Variants in PTPN1 observed in about 807,000 individuals in gnomAD.
PTPN1 encodes the protein protein tyrosine phosphatase non-receptor type 1.
Under a neutral mutation model 59.9 loss-of-function variants are expected in PTPN1, and 12 were observed. The observed-to-expected ratio is 0.20, with a 90% CI of 0.13 to 0.32. The LOEUF (loss-of-function observed/expected upper bound fraction) is 0.32, where lower values mean the gene tolerates loss of function less well. Ranked by LOEUF, PTPN1 falls within the 10% of genes least tolerant of loss-of-function variation. The pLI, the probability that PTPN1 is intolerant of heterozygous loss-of-function variation, is 1.00. For missense variants in PTPN1, 356 were observed against 549.2 expected (o/e 0.65, Z 3.52); for synonymous variants, 178 against 203.6 (o/e 0.87, Z 1.07).
rs149679583 is a variant in PTPN1, at chr20:50,522,579, G to A, written c.63+11989G>A. On this transcript the variant is annotated intron_variant, in intron 1 of 9. Transcript: ENST00000371621. ...TTTTAGCAACAAAAGTACATATTAT[G>A]TTGTAGAACATGCTTTTTCTTTGAT... Among the ~76,000 whole-genome samples, 1,039 of 152,304 alleles carry A rather than the reference G, an allele frequency of 6.8e-3. 9 individuals carry two copies. The highest frequency in any genetic ancestry group is 0.024 in the African/African-American group (1,000 of 41,566).
chr20:50,530,809 T>G (rs2122735997), intron 1 of PTPN1, among the ~76,000 whole-genome samples: 1 of 152,054 alleles, frequency 6.6e-6, no homozygotes. Context: ...TCCTCCTGCC[T>G]CAGCCTCCCA....
intron 2 of PTPN1, among the ~76,000 whole-genome samples, chr20:50,564,040 A>G (rs939658215): frequency 6.6e-6 from 1 of 152,092 alleles, no homozygotes; most frequent in Admixed American, 6.5e-5. Flanking sequence ...AAAATTTAGA[A>G]TCATTGAAGT....
rs1232034466 is a variant in PTPN1, at chr20:50,510,484, C to T, written c.-44C>T. 5 of 1,545,332 alleles carry T rather than the reference C, an allele frequency of 3.2e-6. No homozygotes were observed. The highest frequency in any genetic ancestry group is 4.4e-6 in the Non-Finnish European group (5 of 1,143,714). On this transcript the variant is annotated 5_prime_UTR_variant, in exon 1 of 10. Coordinates refer to ENST00000371621, the MANE Select transcript of PTPN1 (RefSeq NM_002827.4). ...CGACGCGGCCTAGAGCGGCAGACGG[C>T]GCAGTGGGCCGAGAAGGAGGCGCAG...
In PTPN1 at chr20:50,568,305, G is replaced by T; in HGVS notation, c.256-75G>T. ...GGGACTGAGGGCGCTGTCGTTAGCT[G>T]ACTGCAGAAGGTGAGCACACGCTGT... is the stretch of plus-strand genomic sequence containing the variant. On this transcript the variant is annotated intron_variant, in intron 3 of 9. Coordinates refer to ENST00000371621, the MANE Select transcript of PTPN1 (RefSeq NM_002827.4). The surrounding 1 kb of genome is among the most constrained non-coding windows in gnomAD (Gnocchi z 5.6). 7.3e-7 allele frequency: 1 copy of T among 1,363,208 alleles called. No individual in the cohort carries two copies. The highest frequency in any genetic ancestry group is 1.2e-5 in the South Asian group (1 of 85,584). The allele number at this position is 1,363,208 out of a possible 1,614,324, so 84.4% of individuals were successfully genotyped here. A position where few individuals can be genotyped will look rare whatever the true frequency, so the allele number is the denominator to read the frequency against.
At chr20:50,574,377 C>G in intron 4 of PTPN1, 140 bp from the exon 5 acceptor site, 1 of 849,410 alleles carries the variant, frequency 1.2e-6, no homozygotes, top group Non-Finnish European at 1.7e-6. Flanking sequence ...AGGCAGGCAT[C>G]TGTGCTGACC....
At chr20:50,511,884 A>C (rs1391105535) in intron 1 of PTPN1, among the ~76,000 whole-genome samples, 1 of 152,240 alleles carries the variant, frequency 6.6e-6, no homozygotes, top group Admixed American at 6.5e-5. Context: ...GAGATCCATC[A>C]GCTGTAGTAT....
intron 1 of PTPN1, among the ~76,000 whole-genome samples, chr20:50,521,363 C>T (rs2082550039): frequency 1.3e-5 from 2 of 152,272 alleles, no homozygotes; most frequent in Non-Finnish European, 2.9e-5. Context: ...GTGCCTCAGG[C>T]ACTGTGCAAA....
At chr20:50,519,450 A>G (rs6067474) in intron 1 of PTPN1, among the ~76,000 whole-genome samples, 58,023 of 152,018 alleles carry the variant, frequency 0.38, 11,058 homozygotes, top group African/African-American at 0.42. Context: ...TTCCCAATAG[A>G]TTTGGAAGAT....
At position 50,584,103 on chromosome 20, in the gene PTPN1, G is replaced by GACCT. The variant is rs1483588097; in HGVS notation, c.*1389_*1392dup. On this transcript the variant is annotated 3_prime_UTR_variant, in exon 10 of 10. Coordinates refer to ENST00000371621, the MANE Select transcript of PTPN1 (RefSeq NM_002827.4). ...GACTCTTCCTGCAAAGGGAACTGAAGACCTCCACATTAAGTGGCTTTTTAA... is the reference window on the plus strand; with the variant it reads ...GACTCTTCCTGCAAAGGGAACTGAAGACCTACCTCCACATTAAGTGGCTTTTTAA... The GACCT allele has an allele frequency of 2.6e-5, 4 of 152,668 alleles. No individual in the cohort carries two copies. The highest frequency in any genetic ancestry group is 9.6e-5 in the African/African-American group (4 of 41,454). The allele number at this position is 152,668 out of a possible 1,614,324, so 9.5% of individuals were successfully genotyped here.
At chr20:50,569,595 A>AGACT (rs2082797064) in intron 4 of PTPN1, among the ~76,000 whole-genome samples, 1 of 147,802 alleles carries the variant, frequency 6.8e-6, no homozygotes, top group South Asian at 2.1e-4. Context: ...TAGACTGTCC[A>AGACT]TGTAAACTGT....
chr20:50,539,381 A>G (rs1352665476), intron 1 of PTPN1, among the ~76,000 whole-genome samples: 6 of 152,174 alleles, frequency 3.9e-5, no homozygotes, highest in Admixed American at 2.0e-4. Flanking sequence ...TAGATTCCTC[A>G]GGAAGGGCTT....
intron 1 of PTPN1, among the ~76,000 whole-genome samples, chr20:50,544,136 G>A (rs966176570): frequency 2.6e-5 from 4 of 152,020 alleles, no homozygotes; most frequent in Non-Finnish European, 5.9e-5. Context: ...GAGCCACCGC[G>A]CCTGGACTAA....
At chr20:50,565,133 A>C (rs965340441) in intron 3 of PTPN1, 64 bp downstream of exon 3, 129 of 1,491,472 alleles carry the variant, frequency 8.6e-5, no homozygotes, top group Non-Finnish European at 1.1e-4. Context: ...GCTGTTATCC[A>C]CACCTCAAAT....
intron 2 of PTPN1, among the ~76,000 whole-genome samples, chr20:50,562,645 C>G (rs1336401967): frequency 1.3e-5 from 2 of 152,224 alleles, no homozygotes; most frequent in African/African-American, 4.8e-5. Flanking sequence ...AAGTGCACTT[C>G]TAGGTCATCA....
intron 1 of PTPN1, among the ~76,000 whole-genome samples, chr20:50,525,361 T>C (rs2082570133): frequency 6.6e-6 from 1 of 152,276 alleles, no homozygotes; most frequent in African/African-American, 2.4e-5. Context: ...GCACCTGGCC[T>C]GGTTACTTAA....
chr20:50,511,770 T>C (rs2122713329), intron 1 of PTPN1, among the ~76,000 whole-genome samples: 1 of 152,344 alleles, frequency 6.6e-6, no homozygotes, highest in East Asian at 1.9e-4. Flanking sequence ...ACTTGCACAG[T>C]ATCTTAAATA....
In PTPN1 at chr20:50,527,811, A is replaced by G. The variant is rs116580029; in HGVS notation, c.63+17221A>G. On this transcript the variant is annotated intron_variant, in intron 1 of 9. Transcript: ENST00000371621. ...TAACTCTATTTTTTCCTTTTCTTTT[A>G]TATCTCCTGCTTCTCTAGCTAGTCC... Among the ~76,000 whole-genome samples, 759 of 151,864 alleles carry G rather than the reference A, an allele frequency of 5.0e-3. 5 individuals are homozygous for G. Among genetic ancestry groups the G allele is most frequent in the African/African-American group, 0.018 (726 of 41,362 alleles).
At chr20:50,534,353 C>G (rs1246086511) in intron 1 of PTPN1, among the ~76,000 whole-genome samples, 2 of 152,222 alleles carry the variant, frequency 1.3e-5, no homozygotes, top group Non-Finnish European at 2.9e-5. Flanking sequence ...GAAAATCACT[C>G]AAGCACTTAC....
intron 1 of PTPN1, among the ~76,000 whole-genome samples, chr20:50,533,696 C>A (rs908392040): frequency 3.9e-5 from 6 of 152,158 alleles, no homozygotes; most frequent in Admixed American, 3.3e-4. Flanking sequence ...CCTTGCCCCC[C>A]CCCAGAAAGG....
Sources: gnomAD v4.1 joint callset for allele counts (sites outside exome capture counted in the v4.1 genomes callset) on GRCh38, gnomAD v4.1.1 for gene constraint, Gnocchi (gnomAD v3.1) non-coding constraint, MANE v1.5 for transcripts, NCBI Gene and HGNC (gene_info 2026-07-23, HGNC 2026-07-21) for gene names.